Variants in KANSL1L observed in about 807,000 individuals in gnomAD.
The protein encoded by KANSL1L is KAT8 regulatory NSL complex subunit 1 like, also known as KAT8 regulatory NSL complex subunit 1-like protein.
Under a neutral mutation model 108.6 loss-of-function variants are expected in KANSL1L, and 25 were observed. That is an observed-to-expected ratio of 0.23 (90% CI 0.17 to 0.32). The LOEUF (loss-of-function observed/expected upper bound fraction) is 0.32, where lower values mean the gene tolerates loss of function less well. KANSL1L is among the 10% of genes least tolerant of loss of function. The probability of loss-of-function intolerance (pLI) is 1.00; values close to 1 mark genes in which losing one functional copy is unlikely to be tolerated. For synonymous variants in KANSL1L, 405 were observed against 395.1 expected (o/e 1.03, Z -0.30); for missense variants, 1,137 against 1,125.7 (o/e 1.01, Z -0.14).
chr2:210,135,796 C>CT (rs2095168139), intron 2 of KANSL1L, among the ~76,000 whole-genome samples: 4 of 152,110 alleles, frequency 2.6e-5, no homozygotes, highest in African/African-American at 9.7e-5. Flanking sequence ...CCTTAAATAA[C>CT]ATATTCCTCC....
chr2:210,159,894 G>A (rs922038382), intron 1 of KANSL1L, among the ~76,000 whole-genome samples: 1 of 152,102 alleles, frequency 6.6e-6, no homozygotes, highest in Non-Finnish European at 1.5e-5. Flanking sequence ...AAAATAGCTG[G>A]GTGTGGCGGT....
intron 6 of KANSL1L, among the ~76,000 whole-genome samples, chr2:210,071,943 A>G (rs1368802172): frequency 6.6e-6 from 1 of 152,216 alleles, no homozygotes; most frequent in African/African-American, 2.4e-5. Context: ...TGGATGCCTT[A>G]GCCATTTTAC....
chr2:210,144,084 T>C (rs961312543), intron 2 of KANSL1L, among the ~76,000 whole-genome samples: 2 of 152,190 alleles, frequency 1.3e-5, no homozygotes, highest in African/African-American at 2.4e-5. Flanking sequence ...AGGACAGTTT[T>C]GCTGGGTTTG....
intron 2 of KANSL1L, among the ~76,000 whole-genome samples, chr2:210,141,840 G>A (rs763158092): frequency 6.6e-6 from 1 of 152,070 alleles, no homozygotes; most frequent in Non-Finnish European, 1.5e-5. Context: ...TGTTAATGTG[G>A]TGTATCCTAC....
intron 1 of KANSL1L, among the ~76,000 whole-genome samples, chr2:210,157,145 C>G (rs568136372): frequency 6.6e-6 from 1 of 151,982 alleles, no homozygotes; most frequent in African/African-American, 2.4e-5. Context: ...TCAATAAACA[C>G]CCACAATAGT....
At chr2:210,122,262 C>G (rs1184803033) in intron 3 of KANSL1L, among the ~76,000 whole-genome samples, 1 of 152,080 alleles carries the variant, frequency 6.6e-6, no homozygotes. Context: ...TTGGAAGAAT[C>G]ACATTAACTG....
intron 6 of KANSL1L, among the ~76,000 whole-genome samples, chr2:210,050,573 G>A (rs894413272): frequency 2.6e-5 from 4 of 151,772 alleles, no homozygotes; most frequent in Non-Finnish European, 4.4e-5. Context: ...ACTTTGAAGA[G>A]TGGCAGGTGC....
chr2:210,066,671 C>T (rs2125297963), intron 6 of KANSL1L, among the ~76,000 whole-genome samples: 1 of 152,362 alleles, frequency 6.6e-6, no homozygotes, highest in South Asian at 2.1e-4. Context: ...TCGGCCACCA[C>T]ACCAGGCCTG....
chr2:210,067,622 G>C (rs532048642), intron 6 of KANSL1L, among the ~76,000 whole-genome samples: 2 of 148,372 alleles, frequency 1.3e-5, no homozygotes, highest in South Asian at 2.1e-4. Flanking sequence ...GGTATTGTTT[G>C]AGAGCTTGAG....
At chr2:210,170,719 G>A (rs1330433578) in intron 1 of KANSL1L, 1 of 152,240 alleles carries the variant, frequency 6.6e-6, no homozygotes, top group African/African-American at 2.4e-5. Flanking sequence ...CGCCTCAAAA[G>A]AGCCGTCACC....
intron 5 of KANSL1L, among the ~76,000 whole-genome samples, chr2:210,083,296 G>C (rs1381043288): frequency 1.3e-5 from 2 of 152,068 alleles, no homozygotes; most frequent in Non-Finnish European, 2.9e-5. Context: ...CAAAATTAGT[G>C]GCTTAAAATA....
intron 3 of KANSL1L, among the ~76,000 whole-genome samples, chr2:210,109,713 A>G (rs1034524960): frequency 4.6e-5 from 7 of 152,142 alleles, no homozygotes; most frequent in Admixed American, 2.6e-4. Context: ...TGTGCTTCCT[A>G]TTAAAGGGTT....
chr2:210,135,111 CT>C (rs975553561), intron 2 of KANSL1L, among the ~76,000 whole-genome samples: 1 of 152,122 alleles, frequency 6.6e-6, no homozygotes, highest in South Asian at 2.1e-4. Context: ...ATGGCCCATT[CT>C]TTTTTTTCCC....
At chr2:210,100,732 G>A (rs937622929) in intron 4 of KANSL1L, among the ~76,000 whole-genome samples, 1 of 152,128 alleles carries the variant, frequency 6.6e-6, no homozygotes, top group Non-Finnish European at 1.5e-5. Context: ...CTGCCACCTG[G>A]GCTCAAGTGA....
chr2:210,067,716 C>CAAAAAAAAAAAAAAAAA (rs569072484), intron 6 of KANSL1L, among the ~76,000 whole-genome samples: 4 of 92,948 alleles, frequency 4.3e-5, no homozygotes, highest in Admixed American at 1.2e-4. Context: ...ACCCTGTCTC[C>CAAAAAAAAAAAAAAAAA]AAAAAAAAAA....
At position 210,124,437 on chromosome 2, in the gene KANSL1L, G is replaced by C. The variant is rs80020290; in HGVS notation, c.1230+4594C>G. Among the ~76,000 whole-genome samples, 143 of 151,980 alleles carry C rather than the reference G, an allele frequency of 9.4e-4. 1 individual carries two copies. The highest frequency in any genetic ancestry group is 3.4e-3 in the African/African-American group (139 of 41,466). On this transcript the variant is annotated intron_variant, in intron 3 of 14. Coordinates refer to ENST00000281772, the MANE Select transcript of KANSL1L (RefSeq NM_152519.4). ...AAATTACAAGAAAAATTAGAAAACAGTTAGAAATAAACGAAAATGAAAACA... is the reference window on the plus strand; with the variant it reads ...AAATTACAAGAAAAATTAGAAAACACTTAGAAATAAACGAAAATGAAAACA...
intron 1 of KANSL1L, among the ~76,000 whole-genome samples, chr2:210,167,126 C>A (rs2125690614): frequency 6.6e-6 from 1 of 152,062 alleles, no homozygotes; most frequent in South Asian, 2.1e-4. Context: ...TGAGCTCACA[C>A]TGGTACAGTT....
intron 12 of KANSL1L, chr2:210,026,460 T>G (rs1039908018): frequency 1.3e-5 from 2 of 152,244 alleles, no homozygotes; most frequent in South Asian, 4.1e-4. Flanking sequence ...TGAAATGATG[T>G]GAGGCTATTT....
chr2:210,165,014 T>C (rs1339407400), intron 1 of KANSL1L, among the ~76,000 whole-genome samples: 1 of 151,708 alleles, frequency 6.6e-6, no homozygotes, highest in East Asian at 1.9e-4. Context: ...TACAGATGCA[T>C]GCCACCATGC....
Sources: gnomAD v4.1 joint callset for allele counts (sites outside exome capture counted in the v4.1 genomes callset) on GRCh38, gnomAD v4.1.1 for gene constraint, MANE v1.5 for transcripts, NCBI Gene and HGNC (gene_info 2026-07-23, HGNC 2026-07-21) for gene names.